MFSD2A: variants seen among roughly 807,000 people sequenced by gnomAD.
MFSD2A encodes the protein sodium-dependent lysophosphatidylcholine symporter 1.
A neutral mutation model predicts 64.7 loss-of-function variants in MFSD2A; 27 were observed. The ratio of observed to expected loss-of-function variants is 0.42; its 90% CI spans 0.31 to 0.58. The LOEUF (loss-of-function observed/expected upper bound fraction) is 0.58, where lower values mean the gene tolerates loss of function less well. Among genes scored for constraint, MFSD2A ranks in the 20% least tolerant of loss-of-function variants. The pLI, the probability that MFSD2A is intolerant of heterozygous loss-of-function variation, is 0.18. For missense variants in MFSD2A, 474 were observed against 679.5 expected, an observed-to-expected ratio of 0.70 and a Z score of 3.36; for synonymous variants, 258 against 273.4, an observed-to-expected ratio of 0.94 and a Z score of 0.55.
chr1:39,955,935 T>G lies in MFSD2A; in HGVS notation c.93+550T>G, dbSNP rs2124753135. 5.2e-6 allele frequency: 1 copy of G among 191,062 alleles called. No homozygotes were observed. The highest frequency in any genetic ancestry group is 6.0e-5 in the South Asian group (1 of 16,542). The allele number at this position is 191,062 out of a possible 1,614,324, so 11.8% of individuals were successfully genotyped here. On this transcript the variant is annotated intron_variant, in intron 1 of 13. Coordinates refer to ENST00000372811, the MANE Select transcript of MFSD2A (RefSeq NM_032793.5). This position sits in a 1 kb window ranked among gnomAD's most constrained non-coding sequence, Gnocchi z 5.9. ...TTGCGCATCGAGACCATCGACCACA[T>G]CCCCAGCCCTGGGGACTTATTGAAG...
Position 39,955,585 on chromosome 1 carries a change from C to T in MFSD2A, c.93+200C>T. 1 of 695,832 alleles carries T rather than the reference C, an allele frequency of 1.4e-6. No individual in the cohort carries two copies. The highest frequency in any genetic ancestry group is 2.6e-6 in the Non-Finnish European group (1 of 384,142). The allele number at this position is 695,832 out of a possible 1,614,324, so 43.1% of individuals were successfully genotyped here. On this transcript the variant is annotated intron_variant, in intron 1 of 13. Coordinates refer to ENST00000372811, the MANE Select transcript of MFSD2A (RefSeq NM_032793.5). The surrounding 1 kb of genome is among the most constrained non-coding windows in gnomAD (Gnocchi z 5.9). ...CTGTGGGCGCCCTCGCCCCCCTTTGCTCACCCGCACTCCACGCTCTGCGGA... is the reference window on the plus strand; with the variant it reads ...CTGTGGGCGCCCTCGCCCCCCTTTGTTCACCCGCACTCCACGCTCTGCGGA...
chr1:39,965,629 G>A lies in MFSD2A; in HGVS notation c.556+80G>A. ...TCTTCCCTTGCGGGTCCAGCTCTTT[G>A]CTCTGCTCTAGAGTGTGGGTGTGAA... is the stretch of plus-strand genomic sequence containing the variant. On this transcript the variant is annotated intron_variant, in intron 5 of 13. Transcript: ENST00000372811. This position sits in a 1 kb window ranked among gnomAD's most constrained non-coding sequence, Gnocchi z 5.5. 3 of 1,454,460 alleles carry A rather than the reference G, an allele frequency of 2.1e-6. No homozygotes were observed. In the South Asian group the frequency reaches 3.4e-5, roughly 17 times the overall value. 90.1% of individuals were successfully genotyped at this position (1,454,460 alleles called of 1,614,324 possible).
chr1:39,968,818 T>TAATGATAC lies in MFSD2A; in HGVS notation c.1529+73_1529+74insAATGATAC. The TAATGATAC allele has an allele frequency of 6.4e-7, 1 of 1,550,602 alleles. No homozygotes were observed. The highest frequency in any genetic ancestry group is 1.8e-5 in the Admixed American group (1 of 57,050). The stretch of plus-strand genomic sequence containing the variant: ...CTAAACCCTCAATTTGTGTCTCCTG[T>TAATGATAC]GGCCAAGTCCAGACTCACCCCCCAC... On this transcript the variant is annotated intron_variant, in intron 13 of 13. Coordinates refer to ENST00000372811, the MANE Select transcript of MFSD2A (RefSeq NM_032793.5). This position sits in a 1 kb window ranked among gnomAD's most constrained non-coding sequence, Gnocchi z 4.4.
rs1160671138 is a variant in MFSD2A, at chr1:39,955,420, G to A, written c.93+35G>A. ...CGGCACCCCGCGTGGAGGGCGAGGGGAGGGAGGAGGCGGAAATGGGGGATC... is the reference window on the plus strand; with the variant it reads ...CGGCACCCCGCGTGGAGGGCGAGGGAAGGGAGGAGGCGGAAATGGGGGATC... On this transcript the variant is annotated intron_variant, in intron 1 of 13. Coordinates refer to ENST00000372811, the MANE Select transcript of MFSD2A (RefSeq NM_032793.5). The surrounding 1 kb of genome is among the most constrained non-coding windows in gnomAD (Gnocchi z 5.9). 1 of 1,508,144 alleles carries A rather than the reference G, an allele frequency of 6.6e-7. No individual in the cohort carries two copies. The highest frequency in any genetic ancestry group is 1.3e-5 in the South Asian group (1 of 77,070). 93.4% of individuals were successfully genotyped at this position (1,508,144 alleles called of 1,614,324 possible). A position where few individuals can be genotyped will look rare whatever the true frequency, so the allele number is the denominator to read the frequency against.
rs773962730 is a variant in MFSD2A at position 39,969,504 on chromosome 1, G to C, written c.1530-1G>C. 1 of 1,598,218 alleles carries C rather than the reference G, an allele frequency of 6.3e-7. No individual in the cohort carries two copies. Among genetic ancestry groups the C allele is most frequent in the East Asian group, 2.3e-5 (1 of 43,318 alleles). ...CAACCCATCTCCTCTCTCTCTTGCA[G>C]GGACGAGGCCAGCAGCTCTGGCTGC... On this transcript the variant is annotated splice_acceptor_variant, in intron 13 of 13. Coordinates refer to ENST00000372811, the MANE Select transcript of MFSD2A (RefSeq NM_032793.5). LOFTEE classifies it high-confidence loss of function.
chr1:39,958,597 A>T lies in MFSD2A; in HGVS notation c.229-104A>T. The T allele has an allele frequency of 6.3e-7, 1 of 1,590,436 alleles. No homozygotes were observed. Among genetic ancestry groups the T allele is most frequent in the Non-Finnish European group, 8.6e-7 (1 of 1,159,488 alleles). Reference sequence around the variant, plus strand: ...CATGTGGGAGCAGCTCAGGGTCACAAGATCCTGGCTGAGATAGGGAGGGAG... The same window carrying T: ...CATGTGGGAGCAGCTCAGGGTCACATGATCCTGGCTGAGATAGGGAGGGAG... On this transcript the variant is annotated intron_variant, in intron 2 of 13. Transcript: ENST00000372811. The surrounding 1 kb of genome is among the most constrained non-coding windows in gnomAD (Gnocchi z 4.7).
Position 39,969,658 on chromosome 1 carries a change from G to C in MFSD2A, c.*90G>C. 2.4e-6 allele frequency: 3 copies of C among 1,253,642 alleles called. No homozygotes were observed. Among genetic ancestry groups the C allele is most frequent in the Non-Finnish European group, 3.4e-6 (3 of 887,348 alleles). The allele number at this position is 1,253,642 out of a possible 1,614,324, so 77.7% of individuals were successfully genotyped here. A position where few individuals can be genotyped will look rare whatever the true frequency, so the allele number is the denominator to read the frequency against. On this transcript the variant is annotated 3_prime_UTR_variant, in exon 14 of 14. Transcript: ENST00000372811. Reference sequence around the variant, plus strand: ...GGCTTGCTGAGCAGCTGGACTGCAGGTGCTAGGAAGGGAACTGAAGACTCA... The same window carrying C: ...GGCTTGCTGAGCAGCTGGACTGCAGCTGCTAGGAAGGGAACTGAAGACTCA...
rs1645204323 is a variant in MFSD2A, at chr1:39,968,170, C to G, written c.1209-164C>G. The G allele has an allele frequency of 2.4e-6, 2 of 834,622 alleles. No individual in the cohort carries two copies. The highest frequency in any genetic ancestry group is 1.8e-5 in the South Asian group (1 of 55,848). 51.7% of individuals were successfully genotyped at this position (834,622 alleles called of 1,614,324 possible). On this transcript the variant is annotated intron_variant, in intron 11 of 13. Coordinates refer to ENST00000372811, the MANE Select transcript of MFSD2A (RefSeq NM_032793.5). The surrounding 1 kb of genome is among the most constrained non-coding windows in gnomAD (Gnocchi z 4.4). ...CGCTGAGCACCTCCAGGCAGGGTTA[C>G]TTCCTCTTAGAGCAAGAGGCCTTTT...
At chr1:39,957,336 T>C in intron 2 of MFSD2A, 115 bp downstream of exon 2, 2 of 1,094,842 alleles carry the variant, frequency 1.8e-6, no homozygotes, top group Non-Finnish European at 2.6e-6. Context: ...CCCAAATCAC[T>C]ACTTTGCTGC....
In MFSD2A at chr1:39,955,348, G is replaced by T. The variant is rs1345200608; in HGVS notation, c.56G>T (p.Ser19Ile). Residue 19 changes from serine to isoleucine, a missense_variant, in exon 1 of 14, where the codon AGC (serine) becomes ATC (isoleucine). By Grantham distance (142) the Ser-to-Ile change is moderately radical. Transcript: ENST00000372811. The surrounding 1 kb of genome is among the most constrained non-coding windows in gnomAD (Gnocchi z 5.9). ...SGSAAGLLPT[S>I]ILQSTERPAQ... ...TCCGCGGCGGGGCTGCTACCCACCA[G>T]CATCCTCCAAAGCACTGAACGCCCG... 1.4e-6 allele frequency: 2 copies of T among 1,465,018 alleles called. No individual in the cohort carries two copies. Among genetic ancestry groups the T allele is most frequent in the Non-Finnish European group, 1.8e-6 (2 of 1,107,388 alleles). The allele number at this position is 1,465,018 out of a possible 1,614,324, so 90.8% of individuals were successfully genotyped here. A position where few individuals can be genotyped will look rare whatever the true frequency, so the allele number is the denominator to read the frequency against.
rs1645090852 is a variant in MFSD2A at position 39,963,542 on chromosome 1, G to T, written c.354-1669G>T. 2.4e-6 allele frequency: 1 copy of T among 414,190 alleles called. No homozygotes were observed. Among genetic ancestry groups the T allele is most frequent in the South Asian group, 4.1e-5 (1 of 24,424 alleles). 25.7% of individuals were successfully genotyped at this position (414,190 alleles called of 1,614,324 possible). ...TCCTCTTGCCTCAGTTTCCCAAGTA[G>T]CTGGGATAACAGGCATGTGCCACTG... is the stretch of plus-strand genomic sequence containing the variant. On this transcript the variant is annotated intron_variant, in intron 3 of 13. Transcript: ENST00000372811. The surrounding 1 kb of genome is among the most constrained non-coding windows in gnomAD (Gnocchi z 4.2).
Position 39,965,267 on chromosome 1 carries a change from C to A in MFSD2A, c.410C>A (p.Pro137His), listed in dbSNP as rs773619145. ...VIAYFLIWFV[P>H]DFPHGQTYWY... ...GCCTACTTCCTCATCTGGTTCGTGC[C>A]CGACTTCCCACACGGCCAGACCTAT... is the stretch of plus-strand genomic sequence containing the variant. The change falls in exon 4 of 14, where the codon CCC (proline) becomes CAC (histidine). Residue 137 changes from proline (P) to histidine (H), a missense_variant. Transcript: ENST00000372811. This position sits in a 1 kb window ranked among gnomAD's most constrained non-coding sequence, Gnocchi z 5.5. 3 of 1,614,142 alleles carry A rather than the reference C, an allele frequency of 1.9e-6. No individual in the cohort carries two copies. The highest frequency in any genetic ancestry group is 2.2e-5 in the East Asian group (1 of 44,876).
Position 39,965,461 on chromosome 1 carries a change from TC to T in MFSD2A, c.478-9del. On this transcript the variant is annotated splice_polypyrimidine_tract_variant and intron_variant, in intron 4 of 13. Coordinates refer to ENST00000372811, the MANE Select transcript of MFSD2A (RefSeq NM_032793.5). This position sits in a 1 kb window ranked among gnomAD's most constrained non-coding sequence, Gnocchi z 5.5. ...CGCCTGACCAGCCAATGACCTGTCT[TC>T]TATGCCAGTGTTTCCATGTTCCCTA... 1 of 1,614,062 alleles carries T rather than the reference TC, an allele frequency of 6.2e-7. No homozygotes were observed.
rs1030498581 is a variant in MFSD2A at position 39,968,633 on chromosome 1, C to T, written c.1417C>T (p.Leu473Phe). The T allele has an allele frequency of 6.2e-7, 1 of 1,614,218 alleles. No homozygotes were observed. The highest frequency in any genetic ancestry group is 1.1e-5 in the South Asian group (1 of 91,082). Residue 473 changes from leucine to phenylalanine, a missense_variant, in exon 13 of 14, where the codon CTC becomes TTC. Transcript: ENST00000372811. The surrounding 1 kb of genome is among the most constrained non-coding windows in gnomAD (Gnocchi z 4.4). ...PERVKFTLNMLVTMAPIVLIL... is the reference protein window; with the variant it reads ...PERVKFTLNMFVTMAPIVLIL... Reference sequence around the variant, plus strand: ...ACGTGTCAAGTTTACACTGAACATGCTCGTGACCATGGCTCCCATAGTTCT... The same window carrying T: ...ACGTGTCAAGTTTACACTGAACATGTTCGTGACCATGGCTCCCATAGTTCT...
At position 39,969,501 on chromosome 1, in the gene MFSD2A, G is replaced by A. The variant is rs1293681080; in HGVS notation, c.1530-4G>A. ...CTCCAACCCATCTCCTCTCTCTCTT[G>A]CAGGGACGAGGCCAGCAGCTCTGGC... On this transcript the variant is annotated splice_region_variant and splice_polypyrimidine_tract_variant and intron_variant, in intron 13 of 13. Transcript: ENST00000372811. The A allele has an allele frequency of 6.3e-7, 1 of 1,597,586 alleles. No individual in the cohort carries two copies. Among genetic ancestry groups the A allele is most frequent in the Non-Finnish European group, 8.5e-7 (1 of 1,173,184 alleles).
At chr1:39,957,252 C>A in intron 2 of MFSD2A, 31 bp downstream of exon 2, 1 of 1,519,960 alleles carries the variant, frequency 6.6e-7, no homozygotes, top group Non-Finnish European at 8.8e-7. Context: ...AGGGCTCCTT[C>A]AGCATCCTGA....
chr1:39,969,919 C>T lies in MFSD2A; in HGVS notation c.*351C>T. 3.9e-6 allele frequency: 1 copy of T among 253,204 alleles called. No homozygotes were observed. Among genetic ancestry groups the T allele is most frequent in the Non-Finnish European group, 7.5e-6 (1 of 132,760 alleles). The allele number at this position is 253,204 out of a possible 1,614,324, so 15.7% of individuals were successfully genotyped here. Reference sequence around the variant, plus strand: ...GTGTGTGTATGTATATGTCTGTGAGCTATTAATGTTATTAATTTTCATAAA... The same window carrying T: ...GTGTGTGTATGTATATGTCTGTGAGTTATTAATGTTATTAATTTTCATAAA... On this transcript the variant is annotated 3_prime_UTR_variant, in exon 14 of 14. Transcript: ENST00000372811.
chr1:39,967,763 A>G (rs767157280), intron 10 of MFSD2A, 41 bp from the exon 11 acceptor site: 1 of 1,606,742 alleles, frequency 6.2e-7, no homozygotes, highest in East Asian at 2.2e-5. Context: ...GTCTGGTGGG[A>G]ACCTCCCAGC....
chr1:39,968,248 G>A lies in MFSD2A; in HGVS notation c.1209-86G>A. 1.9e-6 allele frequency: 3 copies of A among 1,553,530 alleles called. No individual in the cohort carries two copies. Among genetic ancestry groups the A allele is most frequent in the Non-Finnish European group, 2.7e-6 (3 of 1,131,654 alleles). On this transcript the variant is annotated intron_variant, in intron 11 of 13. Coordinates refer to ENST00000372811, the MANE Select transcript of MFSD2A (RefSeq NM_032793.5). This position sits in a 1 kb window ranked among gnomAD's most constrained non-coding sequence, Gnocchi z 4.4. ...CACTGAGCTGTGTACCCATGGTACT[G>A]CAAGCTTCCAGAGGGCCACCTCTTC...
Sources: allele counts gnomAD v4.1 joint callset, GRCh38; gene constraint gnomAD v4.1.1; non-coding constraint Gnocchi (gnomAD v3.1); transcripts MANE v1.5; gene names NCBI Gene and HGNC (gene_info 2026-07-23, HGNC 2026-07-21).